CHRD: variants seen among roughly 807,000 people sequenced by gnomAD.
The protein encoded by CHRD is chordin.
CHRD carries 69 observed loss-of-function variants against 113.7 expected under a neutral mutation model. The observed-to-expected ratio is 0.61, with a 90% CI of 0.50 to 0.74. The LOEUF (loss-of-function observed/expected upper bound fraction) is 0.74. CHRD is among the 30% of genes least tolerant of loss of function. The pLI, the probability that CHRD is intolerant of heterozygous loss-of-function variation, is 0.00. For missense variants in CHRD, 1,194 were observed against 1,295.8 expected (o/e 0.92, Z 1.21); for synonymous variants, 561 against 540.8 (o/e 1.04, Z -0.52).
rs1196329897 is a variant in CHRD, at chr3:184,387,595, A to G, written c.2451+118A>G. The G allele has an allele frequency of 2.1e-6, 2 of 949,086 alleles. No individual in the cohort carries two copies. Among genetic ancestry groups the G allele is most frequent in the Admixed American group, 2.9e-5 (1 of 34,460 alleles). 58.8% of individuals were successfully genotyped at this position (949,086 alleles called of 1,614,324 possible). A position where few individuals can be genotyped will look rare whatever the true frequency, so the allele number is the denominator to read the frequency against. The stretch of plus-strand genomic sequence containing the variant: ...AGGAGGGCTCAAGAATCAAAACGAT[A>G]TGAGAAAAGGCCCTTGCGCTCTGAG... On this transcript the variant is annotated intron_variant, in intron 19 of 22. Transcript: ENST00000204604. The surrounding 1 kb of genome is among the most constrained non-coding windows in gnomAD (Gnocchi z 6.1).
chr3:184,390,416 T>C (rs1716981866), downstream of CHRD: 1 of 151,722 alleles, frequency 6.6e-6, no homozygotes, highest in Non-Finnish European at 1.5e-5. Context: ...GCCTCTACCT[T>C]CTTTGTCTAA....
Position 184,385,051 on chromosome 3 carries a change from T to C in CHRD, c.1631T>C (p.Leu544Pro), listed in dbSNP as rs1337816736. The C allele has an allele frequency of 1.9e-6, 3 of 1,614,106 alleles. No individual in the cohort carries two copies. In the South Asian group the frequency reaches 3.3e-5, roughly 18 times the overall value. Reference sequence around the variant, plus strand: ...GTGCCCCTAGCAGGAGCCCTGGTGCTACCCCCTGTGAAGAGCCAAGCAGCA... The same window carrying C: ...GTGCCCCTAGCAGGAGCCCTGGTGCCACCCCCTGTGAAGAGCCAAGCAGCA... The change falls in exon 14 of 23, where the codon CTA (leucine) becomes CCA (proline). Residue 544 changes from leucine to proline, a missense_variant. By Grantham distance (98) the Leu-to-Pro change is moderately conservative (BLOSUM62 -3). Transcript: ENST00000204604.
Position 184,384,677 on chromosome 3 carries a change from T to G in CHRD, c.1581T>G (p.His527Gln). ...TGGCTGCCCTGCCCTACTGTGGGCA[T>G]AGCGCCCGCCATGACAGTGAGTGTC... Residue 527 changes from histidine (H) to glutamine (Q), a missense_variant, in exon 13 of 23, where the codon CAT becomes CAG. By Grantham distance (24) the His-to-Gln change is conservative (BLOSUM62 0). Transcript: ENST00000204604. The surrounding 1 kb of genome is among the most constrained non-coding windows in gnomAD (Gnocchi z 4.4). 1 of 1,569,260 alleles carries G rather than the reference T, an allele frequency of 6.4e-7. No homozygotes were observed. The highest frequency in any genetic ancestry group is 1.4e-5 in the African/African-American group (1 of 73,824).
chr3:184,389,548 TC>T, exon 23 of CHRD: 1 of 796,932 alleles, frequency 1.3e-6, no homozygotes, highest in Non-Finnish European at 2.0e-6. Context: ...CTGCCTCTAC[TC>T]CCACCCCCAC....
chr3:184,383,391 G>A (rs761925797), exon 11 of CHRD: 2 of 1,614,042 alleles, frequency 1.2e-6, no homozygotes, highest in Admixed American at 1.7e-5. Context: ...GCCTCACGCT[G>A]CTAGGAAATG....
rs574422249 is a variant in CHRD, at chr3:184,386,557, G to A, written c.1998G>A (p.Val666=). Reference sequence around the variant, plus strand: ...TGGAGGCGGCCGGGGCCGAGGGGGTGCGGGCGCTGGGGGCTCCGGATACAG... The same window carrying A: ...TGGAGGCGGCCGGGGCCGAGGGGGTACGGGCGCTGGGGGCTCCGGATACAG... The change falls in exon 16 of 23, where the codon GTG becomes GTA. Residue 666 remains valine, a synonymous_variant. Coordinates refer to ENST00000204604, the Ensembl canonical transcript of CHRD. 174 of 1,546,314 alleles carry A rather than the reference G, an allele frequency of 1.1e-4. 5 individuals are homozygous for A. In the South Asian group the frequency reaches 2.0e-3, roughly 18 times the overall value.
At chr3:184,382,102 C>T in intron 6 of CHRD, 82 bp downstream of exon 6, 1 of 1,554,268 alleles carries the variant, frequency 6.4e-7, no homozygotes, top group African/African-American at 1.4e-5. Flanking sequence ...CCGTGGTCCT[C>T]ACCACAGCCC....
In CHRD at chr3:184,385,245, A is replaced by AT; in HGVS notation, c.1818+8dup. 1 of 1,603,756 alleles carries AT rather than the reference A, an allele frequency of 6.2e-7. No homozygotes were observed. Among genetic ancestry groups the AT allele is most frequent in the Non-Finnish European group, 8.5e-7 (1 of 1,171,450 alleles). ...GGGATTCTATGGCTCAGAGGTAAGG[A>AT]TGTGATGGTAGGCGGCAGCTTGGAA... On this transcript the variant is annotated splice_region_variant and intron_variant, in intron 14 of 22. Coordinates refer to ENST00000204604, the Ensembl canonical transcript of CHRD.
Position 184,387,439 on chromosome 3 carries a change from C to G in CHRD, c.2413C>G (p.Pro805Ala). Reference sequence around the variant, plus strand: ...TACGCGGTGGCACCCCGTTGTGCCCCCCTTTGGCTTAATTAAGTGTGCTGT... The same window carrying G: ...TACGCGGTGGCACCCCGTTGTGCCCGCCTTTGGCTTAATTAAGTGTGCTGT... Residue 805 changes from proline to alanine, a missense_variant, in exon 19 of 23, where the codon CCC becomes GCC. Physicochemically the swap from Pro to Ala is conservative, Grantham distance 27. Transcript: ENST00000204604. This position sits in a 1 kb window ranked among gnomAD's most constrained non-coding sequence, Gnocchi z 6.1. 1 of 1,612,598 alleles carries G rather than the reference C, an allele frequency of 6.2e-7. No individual in the cohort carries two copies. The highest frequency in any genetic ancestry group is 1.1e-5 in the South Asian group (1 of 90,844).
chr3:184,386,916 C>T (rs747908240), exon 17 of CHRD: 2 of 1,614,196 alleles, frequency 1.2e-6, no homozygotes, highest in Non-Finnish European at 1.7e-6. Flanking sequence ...AGGCTCCCGA[C>T]CAGTGCTGCC....
In CHRD at chr3:184,388,517, A is replaced by T. The variant is rs200597180; in HGVS notation, c.2555-70A>T. 46 of 1,523,208 alleles carry T rather than the reference A, an allele frequency of 3.0e-5. No individual in the cohort carries two copies. The highest frequency in any genetic ancestry group is 1.7e-4 in the Middle Eastern group (1 of 5,736). The allele number at this position is 1,523,208 out of a possible 1,614,324, so 94.4% of individuals were successfully genotyped here. A position where few individuals can be genotyped will look rare whatever the true frequency, so the allele number is the denominator to read the frequency against. ...TGCCAGAAACTGCAACGTGCTGGGT[A>T]TTCAAAGAGAATACTCATAAAACCT... On this transcript the variant is annotated intron_variant, in intron 20 of 22. Transcript: ENST00000204604. This position sits in a 1 kb window ranked among gnomAD's most constrained non-coding sequence, Gnocchi z 6.1.
At position 184,383,105 on chromosome 3, in the gene CHRD, G is replaced by A. The variant is rs1235763129; in HGVS notation, c.1155G>A (p.Trp385Ter). 1 of 1,611,478 alleles carries A rather than the reference G, an allele frequency of 6.2e-7. No homozygotes were observed. Among genetic ancestry groups the A allele is most frequent in the Non-Finnish European group, 8.5e-7 (1 of 1,179,176 alleles). ...GGGAGCTGCAGATGGCCCTGGAGTG[G>A]GCAGGCAGGCCAGGGCTGCGCATCA... Residue 385 changes from tryptophan (W) to a stop codon, truncating the protein, a stop_gained, in exon 10 of 23, where the codon TGG becomes TGA. Coordinates refer to ENST00000204604, the Ensembl canonical transcript of CHRD. LOFTEE classifies it high-confidence loss of function.
At position 184,381,400 on chromosome 3, in the gene CHRD, G is replaced by C; in HGVS notation, c.382+36G>C. On this transcript the variant is annotated intron_variant, in intron 3 of 22. Coordinates refer to ENST00000204604, the Ensembl canonical transcript of CHRD. The surrounding 1 kb of genome is among the most constrained non-coding windows in gnomAD (Gnocchi z 4.7). ...CTCCGCCCTGCGGGGAGGGAGGCAG[G>C]GCCACGATACTAGGTCCCGGGCCAC... is the stretch of plus-strand genomic sequence containing the variant. The C allele has an allele frequency of 1.3e-6, 2 of 1,596,248 alleles. No individual in the cohort carries two copies. The highest frequency in any genetic ancestry group is 1.7e-6 in the Non-Finnish European group (2 of 1,172,178).
Position 184,380,348 on chromosome 3 carries a change from G to T in CHRD, c.30G>T (p.Pro10=). Reference sequence around the variant, plus strand: ...CGAGCCTCCCGGCCCCGCCGGCCCCGCTGCTGCTCCTCGGGCTGCTGCTGC... The same window carrying T: ...CGAGCCTCCCGGCCCCGCCGGCCCCTCTGCTGCTCCTCGGGCTGCTGCTGC... The change falls in exon 1 of 23, where the codon CCG becomes CCT. Residue 10 remains proline (P), a synonymous_variant. Transcript: ENST00000204604. This position sits in a 1 kb window ranked among gnomAD's most constrained non-coding sequence, Gnocchi z 6.3. 7.6e-7 allele frequency: 1 copy of T among 1,316,182 alleles called. No homozygotes were observed. The highest frequency in any genetic ancestry group is 4.1e-5 in the East Asian group (1 of 24,666). The allele number at this position is 1,316,182 out of a possible 1,614,324, so 81.5% of individuals were successfully genotyped here. A position where few individuals can be genotyped will look rare whatever the true frequency, so the allele number is the denominator to read the frequency against.
rs1400910121 is a variant in CHRD, at chr3:184,387,331, G to A, written c.2348-43G>A. On this transcript the variant is annotated intron_variant, in intron 18 of 22. Coordinates refer to ENST00000204604, the Ensembl canonical transcript of CHRD. The surrounding 1 kb of genome is among the most constrained non-coding windows in gnomAD (Gnocchi z 6.1). ...TCAAGCCTTGGTTGTGGGCCCAGCT[G>A]ATGAGCTCATACTAATGGCTGCTGG... 4.5e-6 allele frequency: 7 copies of A among 1,572,244 alleles called. No homozygotes were observed. Among genetic ancestry groups the A allele is most frequent in the Admixed American group, 1.8e-5 (1 of 55,282 alleles).
Position 184,380,681 on chromosome 3 carries a change from C to T in CHRD, c.149-11C>T. On this transcript the variant is annotated splice_polypyrimidine_tract_variant and intron_variant, in intron 1 of 22. Transcript: ENST00000204604. The surrounding 1 kb of genome is among the most constrained non-coding windows in gnomAD (Gnocchi z 6.3). The stretch of plus-strand genomic sequence containing the variant: ...CTGGGCAGCGGCCTCCAGCCAAGCC[C>T]GTCCCCGCAGGCTGCACCTTCGGCG... 3 of 1,572,592 alleles carry T rather than the reference C, an allele frequency of 1.9e-6. No individual in the cohort carries two copies. Among genetic ancestry groups the T allele is most frequent in the Non-Finnish European group, 2.6e-6 (3 of 1,166,840 alleles).
In CHRD at chr3:184,380,230, GCCCTCCGCCCTCCGCACTCCCGCCTCCCT is replaced by G; in HGVS notation, c.-78_-50del. 1.2e-5 allele frequency: 4 copies of G among 341,868 alleles called. No homozygotes were observed. The highest frequency in any genetic ancestry group is 1.7e-5 in the Non-Finnish European group (4 of 237,930). The allele number at this position is 341,868 out of a possible 1,614,324, so 21.2% of individuals were successfully genotyped here. On this transcript the variant is annotated 5_prime_UTR_variant, in exon 1 of 23. Transcript: ENST00000204604. The surrounding 1 kb of genome is among the most constrained non-coding windows in gnomAD (Gnocchi z 6.3). Reference sequence around the variant, plus strand: ...CTCCCGCCGCACCGCCCCCGGCCCGGCCCTCCGCCCTCCGCACTCCCGCCTCCCTCCCTCCGCCCGCTCCCGCGCCCTCC... The same window carrying G: ...CTCCCGCCGCACCGCCCCCGGCCCGGCCCTCCGCCCGCTCCCGCGCCCTCC...
rs1185324222 is a variant in CHRD at position 184,380,765 on chromosome 3, G to T, written c.222G>T (p.Val74=). ...CGGACCTAGGGGAGCCATTCGGGGT[G>T]ATGCGCTGCGTGCTGTGCGCCTGCG... Residue 74 remains valine, a synonymous_variant, in exon 2 of 23, where the codon GTG becomes GTT. Transcript: ENST00000204604. This position sits in a 1 kb window ranked among gnomAD's most constrained non-coding sequence, Gnocchi z 6.3. The T allele has an allele frequency of 6.3e-7, 1 of 1,599,642 alleles. No individual in the cohort carries two copies. The highest frequency in any genetic ancestry group is 1.1e-5 in the South Asian group (1 of 90,180).
chr3:184,389,585 A>G (rs1485276644), exon 23 of CHRD: 15 of 640,248 alleles, frequency 2.3e-5, no homozygotes, highest in Non-Finnish European at 4.1e-5. Flanking sequence ...CAGCTCCACA[A>G]GGGGGAGAGG....
Sources: gnomAD v4.1 joint callset for allele counts on GRCh38, gnomAD v4.1.1 for gene constraint, Gnocchi (gnomAD v3.1) non-coding constraint, MANE v1.5 for transcripts, NCBI Gene and HGNC (gene_info 2026-07-23, HGNC 2026-07-21) for gene names.